Variants in EIF2AK4 observed in about 807,000 individuals in gnomAD.
The protein encoded by EIF2AK4 is eIF-2-alpha kinase GCN2.
A neutral mutation model predicts 211.1 loss-of-function variants in EIF2AK4; 139 were observed. That is an observed-to-expected ratio of 0.66 (90% CI 0.57 to 0.76). EIF2AK4 has a LOEUF of 0.76. Among genes scored for constraint, EIF2AK4 ranks in the 30% least tolerant of loss-of-function variants. EIF2AK4 has a pLI of 0.00. For missense variants in EIF2AK4, 1,664 were observed against 2,043.8 expected (o/e 0.81, Z 3.58); for synonymous variants, 710 against 751.3 (o/e 0.94, Z 0.90).
chr15:40,021,181 C>T (rs1339277976), intron 31 of EIF2AK4, among the ~76,000 whole-genome samples, 154 bp downstream of exon 31: 1 of 152,162 alleles, frequency 6.6e-6, no homozygotes, highest in East Asian at 1.9e-4. Context: ...AACCAATTAC[C>T]ACAAACTTAC....
intron 5 of EIF2AK4, among the ~76,000 whole-genome samples, chr15:39,954,930 A>G (rs2034368820): frequency 6.6e-6 from 1 of 152,226 alleles, no homozygotes; most frequent in Non-Finnish European, 1.5e-5. Context: ...GCAAGGTGAC[A>G]TTCTCTGTGA....
At position 39,993,216 on chromosome 15, in the gene EIF2AK4, C is replaced by A. The variant is rs1478404140; in HGVS notation, c.2766+368C>A. ...TCCGTCCGTCCGTCCATCCATCCATCCATCCAGCCATCCATCCATCCATCC... is the reference window on the plus strand; with the variant it reads ...TCCGTCCGTCCGTCCATCCATCCATACATCCAGCCATCCATCCATCCATCC... On this transcript the variant is annotated intron_variant, in intron 18 of 38. Transcript: ENST00000263791. Among the ~76,000 whole-genome samples, 4 of 152,216 alleles carry A rather than the reference C, an allele frequency of 2.6e-5. No homozygotes were observed. In the East Asian group the frequency reaches 7.7e-4, roughly 29 times the overall value.
At position 40,017,105 on chromosome 15, in the gene EIF2AK4, T is replaced by C. The variant is rs574477088; in HGVS notation, c.3931-3T>C. ...CACATTTGTGTGGCATCTCTCTTTATAGGTCTTGATCAATTTGGGCTTGGT... is the reference window on the plus strand; with the variant it reads ...CACATTTGTGTGGCATCTCTCTTTACAGGTCTTGATCAATTTGGGCTTGGT... On this transcript the variant is annotated splice_polypyrimidine_tract_variant and splice_region_variant and intron_variant, in intron 28 of 38. Transcript: ENST00000263791. 22 of 1,611,662 alleles carry C rather than the reference T, an allele frequency of 1.4e-5. No homozygotes were observed. In the African/African-American group the frequency reaches 2.1e-4, roughly 16 times the overall value.
At chr15:40,021,265 T>C (rs1191937853) in intron 31 of EIF2AK4, among the ~76,000 whole-genome samples, 1 of 152,186 alleles carries the variant, frequency 6.6e-6, no homozygotes, top group Non-Finnish European at 1.5e-5. Context: ...TGGGTTAAAT[T>C]CAACAGGGCT....
intron 27 of EIF2AK4, among the ~76,000 whole-genome samples, chr15:40,012,598 A>G (rs1382944945): frequency 6.6e-6 from 1 of 152,216 alleles, no homozygotes; most frequent in East Asian, 1.9e-4. Flanking sequence ...GCTCAGTTCA[A>G]TGATTCTATA....
intron 1 of EIF2AK4, among the ~76,000 whole-genome samples, chr15:39,936,144 A>G (rs2034061051): frequency 6.6e-6 from 1 of 152,232 alleles, no homozygotes; most frequent in Admixed American, 6.5e-5. Context: ...AGGTAGGGAT[A>G]TTGATAACCT....
At chr15:40,020,643 C>T (rs1212493758) in intron 30 of EIF2AK4, 6 of 190,182 alleles carry the variant, frequency 3.2e-5, no homozygotes, top group East Asian at 2.4e-4. Context: ...GAGCGGAGAT[C>T]GTGCCACTGT....
intron 3 of EIF2AK4, among the ~76,000 whole-genome samples, chr15:39,948,461 A>G (rs1269109052): frequency 6.6e-6 from 1 of 152,202 alleles, no homozygotes; most frequent in Non-Finnish European, 1.5e-5. Flanking sequence ...TCCTGCGGGT[A>G]AGGGAAAGGG....
rs374490520 is a variant in EIF2AK4, at chr15:39,965,783, A to G, written c.957A>G (p.Lys319=). The G allele has an allele frequency of 1.2e-5, 19 of 1,614,022 alleles. No individual in the cohort carries two copies. The highest frequency in any genetic ancestry group is 1.7e-5 in the Admixed American group (1 of 60,010). ...ATGAGTGGGTCCTTCAGTGGCAGAA[A>G]AAAATGGGTCCATTCCTTACCAGTC... ...LLYEWVLQWQ[K]KMGPFLTSQE... Residue 319 remains lysine, a synonymous_variant, in exon 8 of 39, where the codon AAA becomes AAG. Transcript: ENST00000263791.
chr15:39,975,626 C>T (rs1433108163), intron 11 of EIF2AK4, among the ~76,000 whole-genome samples: 1 of 152,200 alleles, frequency 6.6e-6, no homozygotes, highest in East Asian at 1.9e-4. Flanking sequence ...ATAAGGATGC[C>T]TCTATGTAGG....
chr15:40,026,042 T>G lies in EIF2AK4; in HGVS notation c.4455T>G (p.His1485Gln), dbSNP rs1430023616. 1 of 1,614,152 alleles carries G rather than the reference T, an allele frequency of 6.2e-7. No homozygotes were observed. Among genetic ancestry groups the G allele is most frequent in the Non-Finnish European group, 8.5e-7 (1 of 1,180,016 alleles). The change falls in exon 33 of 39, where the codon CAT (histidine) becomes CAG (glutamine). Residue 1485 changes from histidine to glutamine, a missense_variant. This residue lies in a region of EIF2AK4 where 16 missense variants were observed against 47.0 expected (regional missense o/e 0.34). Transcript: ENST00000263791. Reference sequence around the variant, plus strand: ...TGCTGGAGACTGAACTTGTGGACCATGTACTGCAGAAACTGAGGACTAAAG... The same window carrying G: ...TGCTGGAGACTGAACTTGTGGACCAGGTACTGCAGAAACTGAGGACTAAAG... ...KRVLETELVD[H>Q]VLQKLRTKVT...
At chr15:39,943,582 C>A (rs2034179576) in intron 3 of EIF2AK4, 97 bp downstream of exon 3, 2 of 925,694 alleles carry the variant, frequency 2.2e-6, no homozygotes, top group Non-Finnish European at 3.3e-6. Flanking sequence ...TTTATTGGTT[C>A]TACAAAAGGG....
At chr15:39,938,505 C>G (rs944605593) in intron 1 of EIF2AK4, among the ~76,000 whole-genome samples, 1 of 152,154 alleles carries the variant, frequency 6.6e-6, no homozygotes, top group African/African-American at 2.4e-5. Flanking sequence ...ATTATAAGTA[C>G]TTTGCTTCCC....
chr15:39,967,974 G>GC, intron 9 of EIF2AK4, 95 bp downstream of exon 9: 1 of 1,289,974 alleles, frequency 7.8e-7, no homozygotes, highest in East Asian at 2.5e-5. Flanking sequence ...TGGAAGCTGA[G>GC]AAGTGAGGAA....
chr15:39,954,051 G>A, intron 5 of EIF2AK4, 67 bp downstream of exon 5: 1 of 1,294,826 alleles, frequency 7.7e-7, no homozygotes, highest in South Asian at 1.4e-5. Flanking sequence ...TTCCACTGAT[G>A]ACATCTGTGT....
At chr15:40,003,139 C>T in intron 22 of EIF2AK4, 54 bp from the exon 23 acceptor site, 4 of 1,602,306 alleles carry the variant, frequency 2.5e-6, no homozygotes, top group Non-Finnish European at 3.4e-6. Flanking sequence ...TTTAGGTTGC[C>T]TTCTAAGGAG....
At chr15:39,996,874 A>G (rs2035025069) in intron 18 of EIF2AK4, 90 bp from the exon 19 acceptor site, 7 of 938,102 alleles carry the variant, frequency 7.5e-6, no homozygotes, top group South Asian at 5.8e-5. Context: ...TACAAACTTT[A>G]TTTCAGCTAA....
chr15:39,972,830 C>T, intron 9 of EIF2AK4, 78 bp from the exon 10 acceptor site: 2 of 1,089,542 alleles, frequency 1.8e-6, no homozygotes, highest in South Asian at 1.3e-5. Flanking sequence ...AAAAATAAAC[C>T]CATAGTTAAT....
intron 20 of EIF2AK4, 122 bp from the exon 21 acceptor site, chr15:40,000,866 T>C (rs2140933955): frequency 1.6e-5 from 15 of 925,668 alleles, no homozygotes; most frequent in Non-Finnish European, 2.3e-5. Flanking sequence ...TTTCAGAATG[T>C]CAGTTAAGTG....
Sources: gnomAD v4.1 joint callset for allele counts (sites outside exome capture counted in the v4.1 genomes callset) on GRCh38, gnomAD v4.1.1 for gene constraint, gnomAD v4.1.1 regional missense constraint, MANE v1.5 for transcripts, NCBI Gene and HGNC (gene_info 2026-07-23, HGNC 2026-07-21) for gene names.